Variants in ARMC6 observed in about 807,000 individuals in gnomAD.
The protein encoded by ARMC6 is armadillo repeat containing 6, also known as armadillo repeat-containing protein 6.
ARMC6 carries 43 observed loss-of-function variants against 49.2 expected under a neutral mutation model. That is an observed-to-expected ratio of 0.87 (90% CI 0.69 to 1.13). The LOEUF is 1.13. Ranked by LOEUF, ARMC6 falls within the 50% of genes most tolerant of loss-of-function variation. ARMC6 has a pLI of 0.00. For missense variants in ARMC6, 627 were observed against 682.0 expected (o/e 0.92, Z 0.90); for synonymous variants, 262 against 289.6 (o/e 0.90, Z 0.97).
At chr19:19,049,631 T>C (rs2059480393) in intron 4 of ARMC6, among the ~76,000 whole-genome samples, 1 of 152,260 alleles carries the variant, frequency 6.6e-6, no homozygotes, top group Non-Finnish European at 1.5e-5. Flanking sequence ...TGACTTGCGA[T>C]ACTGAAACAA....
intron 4 of ARMC6, 93 bp from the exon 5 acceptor site, chr19:19,051,529 G>A: frequency 8.2e-7 from 1 of 1,215,592 alleles, no homozygotes; most frequent in Non-Finnish European, 1.2e-6. Flanking sequence ...CAGATCCCAG[G>A]GGAGGGAACC....
At chr19:19,047,383 T>C (rs1396730717) in intron 4 of ARMC6, among the ~76,000 whole-genome samples, 2 of 152,108 alleles carry the variant, frequency 1.3e-5, no homozygotes, top group Non-Finnish European at 2.9e-5. Context: ...AATTCAACAT[T>C]GTGATGGTCG....
intron 2 of ARMC6, chr19:19,040,886 C>G (rs1003405200): frequency 8.1e-6 from 2 of 247,790 alleles, no homozygotes; most frequent in African/African-American, 4.7e-5. Context: ...CCAGGCATCC[C>G]TTAGGGTTTG....
intron 2 of ARMC6, chr19:19,039,530 A>G (rs2059395862): frequency 4.7e-6 from 1 of 212,958 alleles, no homozygotes. Context: ...CCCTATACCC[A>G]TTAGAAGTTA....
rs749190903 is a variant in ARMC6 at position 19,055,859 on chromosome 19, C to T, written c.1224C>T (p.Ile408=). The T allele has an allele frequency of 1.7e-5, 28 of 1,612,824 alleles. No homozygotes were observed. Among genetic ancestry groups the T allele is most frequent in the African/African-American group, 5.3e-5 (4 of 74,896 alleles). The change falls in exon 8 of 9, where the codon ATC becomes ATT. Residue 408 remains isoleucine (I), a synonymous_variant. Coordinates refer to ENST00000535612, the MANE Select transcript of ARMC6 (RefSeq NM_001199196.2). The surrounding 1 kb of genome is among the most constrained non-coding windows in gnomAD (Gnocchi z 5.7). ...GTAAGCCCGACAACAGCCGCATCATCGTGGAGGGTGGCGGGGCTGTGGCAG... is the reference window on the plus strand; with the variant it reads ...GTAAGCCCGACAACAGCCGCATCATTGTGGAGGGTGGCGGGGCTGTGGCAG... ...ALRKPDNSRI[I]VEGGGAVAAL...
intron 2 of ARMC6, among the ~76,000 whole-genome samples, chr19:19,041,135 C>A (rs1424581013): frequency 2.0e-5 from 3 of 151,746 alleles, no homozygotes; most frequent in Non-Finnish European, 2.9e-5. Flanking sequence ...AGCCCTGGCC[C>A]CAGCTCCTTT....
At chr19:19,047,104 C>T (rs2059458311) in intron 4 of ARMC6, among the ~76,000 whole-genome samples, 2 of 151,876 alleles carry the variant, frequency 1.3e-5, no homozygotes, top group Admixed American at 1.3e-4. Flanking sequence ...CAGGTACCTG[C>T]CACCATGCCT....
At chr19:19,052,233 TG>T (rs752782285) in intron 5 of ARMC6, 38 bp downstream of exon 5, 4 of 1,535,846 alleles carry the variant, frequency 2.6e-6, no homozygotes, top group Non-Finnish European at 3.5e-6. Context: ...GCGAACAAAG[TG>T]GGCGGGTCAG....
In ARMC6 at chr19:19,051,742, A is replaced by C; in HGVS notation, c.400A>C (p.Lys134Gln). 1 of 1,613,982 alleles carries C rather than the reference A, an allele frequency of 6.2e-7. No individual in the cohort carries two copies. Among genetic ancestry groups the C allele is most frequent in the Non-Finnish European group, 8.5e-7 (1 of 1,180,024 alleles). The stretch of plus-strand genomic sequence containing the variant: ...GGCCTGCCGCTTCCTCGCGGCCCAG[A>C]AGGGGGCCTACCCCATCATCTTCAC... ...DKACRFLAAQ[K>Q]GAYPIIFTAW... The change falls in exon 5 of 9, where the codon AAG becomes CAG. Residue 134 changes from lysine to glutamine, a missense_variant. Physicochemically the swap from Lys to Gln is moderately conservative, Grantham distance 53 (BLOSUM62 1). Coordinates refer to ENST00000535612, the MANE Select transcript of ARMC6 (RefSeq NM_001199196.2).
chr19:19,046,927 G>GTTTTTTTTTTTTTTTTTTTTTTTT (rs386388691), intron 4 of ARMC6, among the ~76,000 whole-genome samples: 45 of 104,324 alleles, frequency 4.3e-4, no homozygotes, highest in Non-Finnish European at 5.5e-4. Flanking sequence ...ATGCTCACCT[G>GTTTTTTTTTTTTTTTTTTTTTTTT]TTTTTTTTTT....
chr19:19,050,258 A>G (rs746366894), intron 4 of ARMC6, among the ~76,000 whole-genome samples: 38 of 152,088 alleles, frequency 2.5e-4, no homozygotes, highest in Non-Finnish European at 5.1e-4. Flanking sequence ...GCAACCTCCA[A>G]CCTCTTGGCT....
chr19:19,042,932 G>C, intron 3 of ARMC6, 55 bp downstream of exon 3: 2 of 1,600,712 alleles, frequency 1.2e-6, no homozygotes, highest in South Asian at 1.1e-5. Context: ...CAAGAGCAGT[G>C]GGAGAGCCCT....
At position 19,051,688 on chromosome 19, in the gene ARMC6, C is replaced by T. The variant is rs545723068; in HGVS notation, c.346C>T (p.Arg116Cys). 17 of 1,613,822 alleles carry T rather than the reference C, an allele frequency of 1.1e-5. No individual in the cohort carries two copies. Among genetic ancestry groups the T allele is most frequent in the Admixed American group, 5.0e-5 (3 of 60,004 alleles). The change falls in exon 5 of 9, where the codon CGC becomes TGC. Residue 116 changes from arginine (R) to cysteine (C), a missense_variant. Transcript: ENST00000535612. ...CCAGGAGGTGTCAGCATACCTCACC[C>T]GCTTCTGCGACCAGTGCAAACAGGA... ...RPQEVSAYLTRFCDQCKQDKA... is the reference protein window; with the variant it reads ...RPQEVSAYLTCFCDQCKQDKA...
chr19:19,052,111 G>T lies in ARMC6; in HGVS notation c.769G>T (p.Val257Leu), dbSNP rs1324440109. The change falls in exon 5 of 9, where the codon GTG becomes TTG. Residue 257 changes from valine (V) to leucine (L), a missense_variant. Val to Leu is a conservative substitution (Grantham distance 32). Coordinates refer to ENST00000535612, the MANE Select transcript of ARMC6 (RefSeq NM_001199196.2). Reference sequence around the variant, plus strand: ...CATGACCTTCGATGACGACATCCGTGTGCCCTTTGGCCATGCCCACAACCA... The same window carrying T: ...CATGACCTTCGATGACGACATCCGTTTGCCCTTTGGCCATGCCCACAACCA... ...RVMTFDDDIR[V>L]PFGHAHNHAK... 1 of 1,613,918 alleles carries T rather than the reference G, an allele frequency of 6.2e-7. No individual in the cohort carries two copies. Among genetic ancestry groups the T allele is most frequent in the Non-Finnish European group, 8.5e-7 (1 of 1,180,046 alleles).
At chr19:19,038,245 T>G (rs1044340604) in intron 2 of ARMC6, among the ~76,000 whole-genome samples, 2 of 152,278 alleles carry the variant, frequency 1.3e-5, no homozygotes, top group African/African-American at 2.4e-5. Context: ...TATATTACAA[T>G]GTAACAATAA....
rs185876668 is a variant in ARMC6 at position 19,055,607 on chromosome 19, A to G, written c.1156-184A>G. Among the ~76,000 whole-genome samples the G allele has an allele frequency of 3.5e-4, 53 of 152,242 alleles. No homozygotes were observed. The East Asian group carries it at 6.6e-3, about 19-fold the overall frequency. On this transcript the variant is annotated intron_variant, in intron 7 of 8. Transcript: ENST00000535612. This position sits in a 1 kb window ranked among gnomAD's most constrained non-coding sequence, Gnocchi z 5.7. Reference sequence around the variant, plus strand: ...ACCCTGCAAAGATCTGACCAGGCCTATTGCCCTTGTCACCCCTAAGAGCTG... The same window carrying G: ...ACCCTGCAAAGATCTGACCAGGCCTGTTGCCCTTGTCACCCCTAAGAGCTG...
intron 4 of ARMC6, among the ~76,000 whole-genome samples, chr19:19,048,454 C>T (rs183589632): frequency 8.4e-4 from 127 of 150,704 alleles, no homozygotes; most frequent in Admixed American, 1.5e-3. Context: ...ATCCAGGAGG[C>T]GGAGGTTGCA....
chr19:19,055,217 C>T lies in ARMC6; in HGVS notation c.1024-48C>T. On this transcript the variant is annotated intron_variant, in intron 6 of 8. Transcript: ENST00000535612. The surrounding 1 kb of genome is among the most constrained non-coding windows in gnomAD (Gnocchi z 5.7). Reference sequence around the variant, plus strand: ...CACATTCTCCCTCAGAGCCCTCTCCCACAACCAGCGGCCTGGCTGGAGGTG... The same window carrying T: ...CACATTCTCCCTCAGAGCCCTCTCCTACAACCAGCGGCCTGGCTGGAGGTG... The T allele has an allele frequency of 6.5e-7, 1 of 1,536,040 alleles. No individual in the cohort carries two copies. Among genetic ancestry groups the T allele is most frequent in the South Asian group, 1.3e-5 (1 of 79,042 alleles).
chr19:19,041,530 G>A (rs6511011), intron 2 of ARMC6, among the ~76,000 whole-genome samples: 109,991 of 151,882 alleles, frequency 0.72, 40,095 homozygotes, highest in East Asian at 0.89. Context: ...TGTATTTTTA[G>A]CAGAGATGGG....
Sources: allele counts gnomAD v4.1 joint callset (sites outside exome capture counted in the v4.1 genomes callset), GRCh38; gene constraint gnomAD v4.1.1; non-coding constraint Gnocchi (gnomAD v3.1); transcripts MANE v1.5; gene names NCBI Gene and HGNC (gene_info 2026-07-23, HGNC 2026-07-21).